HIVEP3: variants seen among roughly 807,000 people sequenced by gnomAD.
HIVEP3 encodes transcription factor HIVEP3.
A neutral mutation model predicts 152.8 loss-of-function variants in HIVEP3; 49 were observed. That is an observed-to-expected ratio of 0.32 (90% CI 0.26 to 0.41). The LOEUF (loss-of-function observed/expected upper bound fraction) is 0.41, where lower values mean the gene tolerates loss of function less well. Among genes scored for constraint, HIVEP3 ranks in the 10% least tolerant of loss-of-function variants. HIVEP3 has a pLI of 1.00. For synonymous variants in HIVEP3, 1,269 were observed against 1,289.0 expected, an observed-to-expected ratio of 0.98 and a Z score of 0.33; for missense variants, 2,790 against 3,103.3, an observed-to-expected ratio of 0.90 and a Z score of 2.40.
intron 1 of HIVEP3, among the ~76,000 whole-genome samples, chr1:41,876,304 T>G (rs1337334942): frequency 6.6e-6 from 1 of 152,128 alleles, no homozygotes; most frequent in Non-Finnish European, 1.5e-5. Context: ...TAGGTGAAGA[T>G]AGTGACAGAG....
At chr1:41,728,384 A>T (rs1646788922) in intron 1 of HIVEP3, among the ~76,000 whole-genome samples, 1 of 152,114 alleles carries the variant, frequency 6.6e-6, no homozygotes, top group East Asian at 1.9e-4. Flanking sequence ...CAAGGACATG[A>T]GCAGGCTGTA....
chr1:41,803,307 C>G (rs1650412645), intron 1 of HIVEP3, among the ~76,000 whole-genome samples: 1 of 152,184 alleles, frequency 6.6e-6, no homozygotes, highest in African/African-American at 2.4e-5. Flanking sequence ...GCGAAAAAGT[C>G]TTGCAATGTC....
intron 1 of HIVEP3, among the ~76,000 whole-genome samples, chr1:41,853,402 G>A (rs535386389): frequency 5.9e-5 from 9 of 152,286 alleles, no homozygotes; most frequent in African/African-American, 1.7e-4. Context: ...GGGGAAGCAA[G>A]GCACCCTCTT....
intron 5 of HIVEP3, among the ~76,000 whole-genome samples, chr1:41,574,788 C>T (rs988938656): frequency 6.6e-6 from 1 of 152,168 alleles, no homozygotes; most frequent in Non-Finnish European, 1.5e-5. Context: ...AGACAGAACG[C>T]CATGGGACCT....
intron 2 of HIVEP3, among the ~76,000 whole-genome samples, chr1:41,630,204 C>G (rs556144668): frequency 2.3e-4 from 35 of 152,272 alleles, no homozygotes; most frequent in African/African-American, 8.2e-4. Flanking sequence ...GTGTTTTCAC[C>G]TATAAGCAGG....
intron 6 of HIVEP3, among the ~76,000 whole-genome samples, chr1:41,522,435 C>T (rs183234856): frequency 2.0e-5 from 3 of 152,324 alleles, no homozygotes; most frequent in Non-Finnish European, 4.4e-5. Flanking sequence ...TTCTAGAAGC[C>T]CCTGTGAACA....
chr1:41,938,721 T>C (rs1185766619), intron 1 of HIVEP3, among the ~76,000 whole-genome samples: 1 of 152,142 alleles, frequency 6.6e-6, no homozygotes, highest in African/African-American at 2.4e-5. Flanking sequence ...CAATGAAAAT[T>C]ATGCTGAGAT....
At chr1:41,605,699 A>G (rs941846937) in intron 3 of HIVEP3, among the ~76,000 whole-genome samples, 1 of 152,080 alleles carries the variant, frequency 6.6e-6, no homozygotes, top group Non-Finnish European at 1.5e-5. Flanking sequence ...TGAAGGATGA[A>G]CAGGATCTCA....
At chr1:41,810,114 G>A (rs988828930) in intron 1 of HIVEP3, among the ~76,000 whole-genome samples, 1 of 152,100 alleles carries the variant, frequency 6.6e-6, no homozygotes, top group African/African-American at 2.4e-5. Flanking sequence ...TCAAAGTCAG[G>A]CCTCACCCTC....
At chr1:41,637,973 T>A (rs1645302883) in intron 2 of HIVEP3, among the ~76,000 whole-genome samples, 1 of 152,170 alleles carries the variant, frequency 6.6e-6, no homozygotes, top group African/African-American at 2.4e-5. Flanking sequence ...AAATACTGCA[T>A]ATTCTCACTT....
intron 1 of HIVEP3, among the ~76,000 whole-genome samples, chr1:42,029,222 G>A (rs1026482749): frequency 2.6e-5 from 4 of 152,072 alleles, no homozygotes; most frequent in African/African-American, 7.2e-5. Flanking sequence ...TGGAGTAACC[G>A]GTACTCTCAG....
intron 3 of HIVEP3, among the ~76,000 whole-genome samples, chr1:41,613,561 A>G (rs7513753): frequency 0.58 from 87,324 of 151,578 alleles, 25,259 homozygotes; most frequent in African/African-American, 0.6. Flanking sequence ...AATAGTTTGC[A>G]GAAGTCACTT....
At chr1:41,812,314 G>C (rs556486906) in intron 1 of HIVEP3, among the ~76,000 whole-genome samples, 2 of 152,306 alleles carry the variant, frequency 1.3e-5, no homozygotes, top group Non-Finnish European at 2.9e-5. Context: ...GCTCATGCCT[G>C]TAATTCCAGC....
intron 3 of HIVEP3, among the ~76,000 whole-genome samples, chr1:41,617,462 G>A (rs1644986235): frequency 6.6e-6 from 1 of 152,222 alleles, no homozygotes; most frequent in South Asian, 2.1e-4. Context: ...GTTGAGGACA[G>A]CAAGTCTGTC....
At chr1:41,915,136 C>CA (rs34627841) in intron 1 of HIVEP3, among the ~76,000 whole-genome samples, 49 of 149,152 alleles carry the variant, frequency 3.3e-4, no homozygotes, top group Admixed American at 9.4e-4. Context: ...AAGAATCATG[C>CA]AAAAAAAAAA....
At position 41,906,106 on chromosome 1, in the gene HIVEP3, G is replaced by A. The variant is rs553514140; in HGVS notation, c.-801+12307C>T. Among the ~76,000 whole-genome samples the A allele has an allele frequency of 7.2e-5, 11 of 152,240 alleles. No individual in the cohort carries two copies. The South Asian group carries it at 2.3e-3, about 32-fold the overall frequency. ...AGGTGGATCATGAGGTCAGGAGTTT[G>A]AGACCAGCCTGACCAACATGGTGAA... is the stretch of plus-strand genomic sequence containing the variant. On this transcript the variant is annotated intron_variant, in intron 1 of 8. Transcript: ENST00000372583.
chr1:41,512,251 G>T (rs1208096859), intron 8 of HIVEP3, among the ~76,000 whole-genome samples: 1 of 152,064 alleles, frequency 6.6e-6, no homozygotes, highest in Non-Finnish European at 1.5e-5. Flanking sequence ...CATGGGGACG[G>T]ATCCCTCAGG....
At chr1:41,530,540 T>C (rs1643214595) in intron 5 of HIVEP3, among the ~76,000 whole-genome samples, 1 of 152,142 alleles carries the variant, frequency 6.6e-6, no homozygotes, top group Non-Finnish European at 1.5e-5. Flanking sequence ...GTCTCCCCTT[T>C]GCACTGGAAG....
chr1:41,594,716 T>G (rs1644638610), intron 3 of HIVEP3, among the ~76,000 whole-genome samples: 1 of 152,246 alleles, frequency 6.6e-6, no homozygotes, highest in Non-Finnish European at 1.5e-5. Context: ...GTACAGAATT[T>G]TTTTTTGTTT....
Sources: gnomAD v4.1 joint callset for allele counts (sites outside exome capture counted in the v4.1 genomes callset) on GRCh38, gnomAD v4.1.1 for gene constraint, MANE v1.5 for transcripts, NCBI Gene and HGNC (gene_info 2026-07-23, HGNC 2026-07-21) for gene names.